Variants in MOV10L1 observed in about 807,000 individuals in gnomAD.
The protein encoded by MOV10L1 is RNA helicase Mov10l1.
A neutral mutation model predicts 143.8 loss-of-function variants in MOV10L1; 110 were observed. The ratio of observed to expected loss-of-function variants is 0.76; its 90% confidence interval spans 0.66 to 0.90. MOV10L1 has a LOEUF of 0.90. MOV10L1 is among the 40% of genes least tolerant of loss of function. The probability of loss-of-function intolerance (pLI) is 0.00; values close to 1 mark genes in which losing one functional copy is unlikely to be tolerated. For synonymous variants in MOV10L1, 593 were observed against 581.1 expected, an observed-to-expected ratio of 1.02 and a Z score of -0.29; for missense variants, 1,406 against 1,526.8, an observed-to-expected ratio of 0.92 and a Z score of 1.32.
At chr22:50,116,104 CTT>C (rs1364385082) in intron 8 of MOV10L1, among the ~76,000 whole-genome samples, 2 of 151,956 alleles carry the variant, frequency 1.3e-5, no homozygotes, top group Non-Finnish European at 2.9e-5. Flanking sequence ...TTTTGAAAAA[CTT>C]AAATCTGATT....
rs78960991 is a variant in MOV10L1 at position 50,097,702 on chromosome 22, G to A, written c.283-1741G>A. Reference sequence around the variant, plus strand: ...CAGGAGGTATGAAACCTTCAATTTTGTTACTCCTTTTCAAGACCATTTTGC... The same window carrying A: ...CAGGAGGTATGAAACCTTCAATTTTATTACTCCTTTTCAAGACCATTTTGC... On this transcript the variant is annotated intron_variant, in intron 2 of 26. Coordinates refer to ENST00000262794, the MANE Select transcript of MOV10L1 (RefSeq NM_018995.3). 7.2e-3 allele frequency among the ~76,000 whole-genome samples: 1,098 copies of A among 152,160 alleles called. 9 individuals carry two copies. The highest frequency in any genetic ancestry group is 0.025 in the African/African-American group (1,035 of 41,516).
intron 15 of MOV10L1, 115 bp downstream of exon 15, chr22:50,134,745 G>C: frequency 1.2e-6 from 1 of 849,278 alleles, no homozygotes; most frequent in Non-Finnish European, 1.9e-6. Flanking sequence ...ATGGCTCAGC[G>C]ATGTAACTGT....
rs892354145 is a variant in MOV10L1 at position 50,106,455 on chromosome 22, A to G, written c.443-1681A>G. 2.0e-5 allele frequency among the ~76,000 whole-genome samples: 3 copies of G among 149,062 alleles called. No individual in the cohort carries two copies. The Admixed American group carries it at 2.1e-4, about 10-fold the overall frequency. Reference sequence around the variant, plus strand: ...TGCTAGAAATCTTTACTATGATTCCATGATTCTGCTGGAAAAAAAAATTAA... The same window carrying G: ...TGCTAGAAATCTTTACTATGATTCCGTGATTCTGCTGGAAAAAAAAATTAA... On this transcript the variant is annotated intron_variant, in intron 3 of 26. Transcript: ENST00000262794.
intron 2 of MOV10L1, chr22:50,095,448 T>C (rs1231934503): frequency 1.3e-5 from 2 of 152,294 alleles, no homozygotes; most frequent in East Asian, 1.9e-4. Context: ...AATTATACGA[T>C]AGTCCTCATG....
intron 15 of MOV10L1, among the ~76,000 whole-genome samples, chr22:50,140,451 T>G (rs1469322082): frequency 6.6e-6 from 1 of 152,214 alleles, no homozygotes; most frequent in East Asian, 1.9e-4. Context: ...AGGCATAACC[T>G]TCTAGACCAT....
chr22:50,128,402 TGTTC>T lies in MOV10L1; in HGVS notation c.1819-13_1819-10del, dbSNP rs943815461. The T allele has an allele frequency of 7.6e-7, 1 of 1,310,484 alleles. No homozygotes were observed. Among genetic ancestry groups the T allele is most frequent in the African/African-American group, 1.5e-5 (1 of 67,076 alleles). 81.2% of individuals were successfully genotyped at this position (1,310,484 alleles called of 1,614,324 possible). ...ATTTCAAGAAATCAGGTATATTGTT[TGTTC>T]CTTTTTTAGATTCATGAAGAAGATG... On this transcript the variant is annotated splice_polypyrimidine_tract_variant and intron_variant, in intron 12 of 26. Coordinates refer to ENST00000262794, the MANE Select transcript of MOV10L1 (RefSeq NM_018995.3).
chr22:50,155,371 G>A (rs892887920), intron 22 of MOV10L1, among the ~76,000 whole-genome samples: 2 of 150,146 alleles, frequency 1.3e-5, no homozygotes, highest in South Asian at 2.1e-4. Context: ...AGCGATTCTC[G>A]TGCCTCAGCC....
intron 20 of MOV10L1, 76 bp downstream of exon 20, chr22:50,149,790 G>T: frequency 3.7e-6 from 5 of 1,363,004 alleles, no homozygotes; most frequent in Non-Finnish European, 5.1e-6. Context: ...CGATCCTGCC[G>T]GGAACAGTCA....
At chr22:50,096,009 A>G (rs1208105130) in intron 2 of MOV10L1, 3 of 152,180 alleles carry the variant, frequency 2.0e-5, no homozygotes, top group Non-Finnish European at 4.4e-5. Flanking sequence ...ACCTGAATGT[A>G]CTTCTGGATT....
rs546694039 is a variant in MOV10L1 at position 50,151,027 on chromosome 22, C to T, written c.2892+128C>T. The T allele has an allele frequency of 1.1e-4, 123 of 1,126,530 alleles. No homozygotes were observed. The African/African-American group carries it at 1.6e-3, about 15-fold the overall frequency. 69.8% of individuals were successfully genotyped at this position (1,126,530 alleles called of 1,614,324 possible). A position where few individuals can be genotyped will look rare whatever the true frequency, so the allele number is the denominator to read the frequency against. ...CGTGGGCAGAGTGCAGGGGAGCACC[C>T]ACCATAGCACCTCCCCCGTCAGCAG... On this transcript the variant is annotated intron_variant, in intron 21 of 26. Coordinates refer to ENST00000262794, the MANE Select transcript of MOV10L1 (RefSeq NM_018995.3).
intron 9 of MOV10L1, among the ~76,000 whole-genome samples, chr22:50,118,607 G>A (rs1489577023): frequency 1.3e-5 from 2 of 152,166 alleles, no homozygotes; most frequent in Admixed American, 6.5e-5. Context: ...GTCAGAAAAC[G>A]TTTAGTGGGT....
Position 50,113,753 on chromosome 22 carries a change from G to T in MOV10L1, c.849G>T (p.Lys283Asn), listed in dbSNP as rs1262610218. 6.2e-7 allele frequency: 1 copy of T among 1,613,726 alleles called. No homozygotes were observed. Among genetic ancestry groups the T allele is most frequent in the East Asian group, 2.2e-5 (1 of 44,860 alleles). The stretch of plus-strand genomic sequence containing the variant: ...AGGTGACGCATTTTGGAACCCTAAA[G>T]GAAGGAAGAAGTAAAACCATGGTGA... ...VTQVTHFGTL[K>N]EGRSKTMVIW... The change falls in exon 6 of 27, where the codon AAG becomes AAT. Residue 283 changes from lysine (K) to asparagine (N), a missense_variant. Transcript: ENST00000262794.
intron 15 of MOV10L1, 138 bp from the exon 16 acceptor site, chr22:50,141,943 T>C (rs547887681): frequency 5.4e-5 from 26 of 478,440 alleles, no homozygotes; most frequent in Admixed American, 4.3e-5. Flanking sequence ...TTTCAAAGGG[T>C]CTGACCTGTG....
At chr22:50,144,338 G>A (rs1159402851) in intron 18 of MOV10L1, 95 bp downstream of exon 18, 8 of 1,409,748 alleles carry the variant, frequency 5.7e-6, no homozygotes, top group Middle Eastern at 2.6e-4. Flanking sequence ...GTAGGAGGGT[G>A]GGCACAGAGG....
rs575625413 is a variant in MOV10L1 at position 50,155,636 on chromosome 22, C to T, written c.3066+2418C>T. ...GACCACAGGTGCCTGCCACCACGTC[C>T]GGCTAATTTTTGTATTTTTAGTAGA... is the stretch of plus-strand genomic sequence containing the variant. On this transcript the variant is annotated intron_variant, in intron 22 of 26. Transcript: ENST00000262794. Among the ~76,000 whole-genome samples, 11 of 152,282 alleles carry T rather than the reference C, an allele frequency of 7.2e-5. No homozygotes were observed. The South Asian group carries it at 8.3e-4, about 11-fold the overall frequency.
At chr22:50,142,906 C>G in intron 16 of MOV10L1, 137 bp from the exon 17 acceptor site, 1 of 725,586 alleles carries the variant, frequency 1.4e-6, no homozygotes, top group Non-Finnish European at 2.3e-6. Flanking sequence ...CCTGGTCACA[C>G]TGAAGAGCTA....
At chr22:50,157,811 C>T (rs967708118) in intron 22 of MOV10L1, among the ~76,000 whole-genome samples, 5 of 151,332 alleles carry the variant, frequency 3.3e-5, no homozygotes, top group African/African-American at 9.7e-5. Context: ...CCCTCCACTC[C>T]GGGGCTCAGA....
intron 10 of MOV10L1, among the ~76,000 whole-genome samples, chr22:50,123,820 T>C (rs1331665288): frequency 6.6e-6 from 1 of 152,244 alleles, no homozygotes; most frequent in Non-Finnish European, 1.5e-5. Context: ...ATTACTGCTT[T>C]AACCTCCTTA....
chr22:50,126,038 C>T (rs957472861), intron 11 of MOV10L1, among the ~76,000 whole-genome samples, 164 bp from the exon 12 acceptor site: 6 of 151,922 alleles, frequency 3.9e-5, no homozygotes, highest in Admixed American at 2.6e-4. Flanking sequence ...GTGATCCGCC[C>T]GCCTCGGCCT....
Sources: allele counts gnomAD v4.1 joint callset (sites outside exome capture counted in the v4.1 genomes callset), GRCh38; gene constraint gnomAD v4.1.1; transcripts MANE v1.5; gene names NCBI Gene and HGNC (gene_info 2026-07-23, HGNC 2026-07-21).